Variants in CTPS2 observed in about 807,000 individuals in gnomAD.
CTPS2 encodes the protein CTP synthase II.
Under a neutral mutation model 46.8 loss-of-function variants are expected in CTPS2, and 19 were observed. The observed-to-expected ratio is 0.41, with a 90% CI of 0.28 to 0.60. The LOEUF is 0.60. CTPS2 is among the 20% of genes least tolerant of loss of function. The pLI, the probability that CTPS2 is intolerant of heterozygous loss-of-function variation, is 0.35. For synonymous variants in CTPS2, 151 were observed against 165.2 expected, an observed-to-expected ratio of 0.91 and a Z score of 0.66; for missense variants, 286 against 447.6, an observed-to-expected ratio of 0.64 and a Z score of 3.26.
intron 16 of CTPS2, among the ~76,000 whole-genome samples, chrX:16,610,443 A>G (rs762760824): frequency 5.4e-5 from 6 of 111,766 alleles, no homozygotes; most frequent in African/African-American, 1.9e-4. Context: ...CAAAGCTACT[A>G]CTACAGTAAT....
intron 13 of CTPS2, among the ~76,000 whole-genome samples, chrX:16,666,141 C>T (rs1032291581): frequency 2.7e-5 from 3 of 111,977 alleles, no homozygotes; most frequent in Admixed American, 9.5e-5. Context: ...TTGTGAGGCG[C>T]GAGCTCCATT....
At chrX:16,613,204 A>G (rs1223165964) in intron 16 of CTPS2, among the ~76,000 whole-genome samples, 1 of 112,444 alleles carries the variant, frequency 8.9e-6, no homozygotes, top group African/African-American at 3.2e-5. Flanking sequence ...CCTAAAGCAT[A>G]TAGGCTGGAA....
At position 16,667,545 on chromosome X, in the gene CTPS2, G is replaced by A. The variant is rs776644709; in HGVS notation, c.1265C>T (p.Thr422Ile). 8.3e-7 allele frequency: 1 copy of A among 1,210,953 alleles called. No individual in the cohort carries two copies. The highest frequency in any genetic ancestry group is 3.0e-5 in the East Asian group (1 of 33,838). The change falls in exon 13 of 19, where the codon ACA becomes ATA. Residue 422 changes from threonine to isoleucine, a missense_variant. Coordinates refer to ENST00000359276, the MANE Select transcript of CTPS2 (RefSeq NM_175859.3). ...NCLNLKDADS[T>I]EFRPNAPVPL... The stretch of plus-strand genomic sequence containing the variant: ...AACTGGGGCATTTGGCCTAAACTCT[G>A]TGGAATCAGCATCTGAAGATTAAGA...
intron 14 of CTPS2, among the ~76,000 whole-genome samples, chrX:16,623,732 C>T (rs926757274): frequency 9.9e-6 from 1 of 101,068 alleles, no homozygotes; most frequent in Admixed American, 1.1e-4. Context: ...ACTGCGATAT[C>T]TCTTTGATAT....
chrX:16,641,424 A>G (rs138655427), intron 13 of CTPS2, among the ~76,000 whole-genome samples: 387 of 112,481 alleles, frequency 3.4e-3, no homozygotes, highest in Non-Finnish European at 6.0e-3. Flanking sequence ...TTCTGGTATG[A>G]AGCATTGAGA....
intron 11 of CTPS2, 113 bp from the exon 12 acceptor site, chrX:16,667,837 A>C: frequency 3.1e-6 from 2 of 653,460 alleles, no homozygotes; most frequent in Non-Finnish European, 2.4e-6. Context: ...ACTCCCAGAG[A>C]GCAAGACTCT....
At chrX:16,633,207 C>T (rs1246582654) in intron 14 of CTPS2, among the ~76,000 whole-genome samples, 1 of 108,083 alleles carries the variant, frequency 9.3e-6, no homozygotes, top group Non-Finnish European at 1.9e-5. Context: ...CCTCAGCCTC[C>T]TGAGTAGCTG....
chrX:16,709,724 C>T (rs1925313435), intron 1 of CTPS2, among the ~76,000 whole-genome samples: 1 of 107,851 alleles, frequency 9.3e-6, no homozygotes, highest in African/African-American at 3.4e-5. Flanking sequence ...TGGCACCCAC[C>T]TGTAGTCTCA....
At chrX:16,635,502 G>A (rs1340364798) in intron 14 of CTPS2, among the ~76,000 whole-genome samples, 14 of 110,593 alleles carry the variant, frequency 1.3e-4, no homozygotes, top group South Asian at 1.2e-3. Context: ...GAGAAACCCC[G>A]TCTCTACTAA....
chrX:16,692,917 G>A (rs748718323), intron 6 of CTPS2, among the ~76,000 whole-genome samples: 1 of 109,661 alleles, frequency 9.1e-6, no homozygotes, highest in Non-Finnish European at 1.9e-5. Flanking sequence ...AATTATCCAG[G>A]TGTGGTGGCA....
At chrX:16,709,389 G>A (rs1925272127) in intron 1 of CTPS2, among the ~76,000 whole-genome samples, 1 of 104,776 alleles carries the variant, frequency 9.5e-6, no homozygotes, top group Non-Finnish European at 2.0e-5. Context: ...GATTGTGCCA[G>A]TGCCCTCCAA....
At chrX:16,634,863 C>T (rs1015298167) in intron 14 of CTPS2, among the ~76,000 whole-genome samples, 1 of 108,419 alleles carries the variant, frequency 9.2e-6, no homozygotes, top group East Asian at 2.9e-4. Context: ...GCAGGAGAAT[C>T]GGTTGAACCT....
Position 16,685,901 on chromosome X carries a change from T to TAGG in CTPS2, c.873-2678_873-2676dup, listed in dbSNP as rs1326448521. Among the ~76,000 whole-genome samples the TAGG allele has an allele frequency of 1.0e-4, 9 of 90,067 alleles. No individual in the cohort carries two copies. The Admixed American group carries it at 1.2e-3, about 12-fold the overall frequency. 78.2% of individuals were successfully genotyped at this position (90,067 alleles called of 115,157 possible). ...AAAAAAAAAAAAAAAAGACAATGAA[T>TAGG]AGGAGGAGGTGGAGAATTGTGCCCA... On this transcript the variant is annotated intron_variant, in intron 8 of 18. Transcript: ENST00000359276.
At chrX:16,701,801 G>T (rs1272704396) in intron 2 of CTPS2, among the ~76,000 whole-genome samples, 1 of 108,615 alleles carries the variant, frequency 9.2e-6, no homozygotes. Flanking sequence ...GGGTTTCACC[G>T]TGTTAGCCAG....
At chrX:16,702,187 T>A (rs1032229194) in intron 2 of CTPS2, among the ~76,000 whole-genome samples, 1 of 110,008 alleles carries the variant, frequency 9.1e-6, no homozygotes, top group Non-Finnish European at 1.9e-5. Context: ...CCTGAGTAGA[T>A]GGGACTACAG....
At chrX:16,655,674 T>G (rs1418954698) in intron 13 of CTPS2, among the ~76,000 whole-genome samples, 1 of 112,413 alleles carries the variant, frequency 8.9e-6, no homozygotes, top group East Asian at 2.8e-4. Flanking sequence ...GCTAGATTTT[T>G]ATTTCTTCTT....
At chrX:16,678,548 C>T in intron 9 of CTPS2, 98 bp from the exon 10 acceptor site, 2 of 525,581 alleles carry the variant, frequency 3.8e-6, no homozygotes, top group Non-Finnish European at 6.5e-6. Flanking sequence ...TCAATAATTA[C>T]TTATTATGCA....
chrX:16,669,108 T>G (rs1921494594), intron 11 of CTPS2, among the ~76,000 whole-genome samples: 1 of 109,524 alleles, frequency 9.1e-6, no homozygotes, highest in Non-Finnish European at 1.9e-5. Context: ...GGGGTGGGGG[T>G]TGGAGACTCC....
intron 13 of CTPS2, among the ~76,000 whole-genome samples, chrX:16,646,576 T>TAGAC (rs1932331651): frequency 8.9e-6 from 1 of 112,409 alleles, no homozygotes; most frequent in Non-Finnish European, 1.9e-5. Context: ...CCAGGGAAGG[T>TAGAC]AGACACCAGG....
Sources: allele counts gnomAD v4.1 joint callset (sites outside exome capture counted in the v4.1 genomes callset), GRCh38; gene constraint gnomAD v4.1.1; transcripts MANE v1.5; gene names NCBI Gene and HGNC (gene_info 2026-07-23, HGNC 2026-07-21).